CTNNA3: variants seen among roughly 807,000 people sequenced by gnomAD.
CTNNA3 encodes the protein catenin alpha-3.
In CTNNA3, 76 loss-of-function variants were observed where a neutral mutation model predicts 95.7. That is an observed-to-expected ratio of 0.79 (90% CI 0.66 to 0.96). CTNNA3 has a LOEUF of 0.96. Among genes scored for constraint, CTNNA3 ranks in the 40% least tolerant of loss-of-function variants. The probability of loss-of-function intolerance (pLI) is 0.00; values close to 1 mark genes in which losing one functional copy is unlikely to be tolerated. For missense variants in CTNNA3, 1,191 were observed against 1,089.8 expected (o/e 1.09, Z -1.31); for synonymous variants, 431 against 374.4 (o/e 1.15, Z -1.74).
intron 11 of CTNNA3, among the ~76,000 whole-genome samples, chr10:66,440,084 C>T (rs1029051477): frequency 1.3e-5 from 2 of 152,108 alleles, no homozygotes; most frequent in African/African-American, 4.8e-5. Flanking sequence ...TATGTTATTG[C>T]CAGCTTGGGC....
chr10:67,468,573 C>T (rs565550279), intron 5 of CTNNA3, among the ~76,000 whole-genome samples: 7 of 152,208 alleles, frequency 4.6e-5, no homozygotes, highest in Admixed American at 3.9e-4. Flanking sequence ...CTCAGGCCCC[C>T]TCACATCTGT....
chr10:66,007,337 A>G (rs780634079), intron 15 of CTNNA3, among the ~76,000 whole-genome samples: 1 of 152,144 alleles, frequency 6.6e-6, no homozygotes, highest in African/African-American at 2.4e-5. Context: ...ATTTGATCAC[A>G]CAGGTATTAA....
At chr10:66,505,805 G>T (rs1840429011) in intron 11 of CTNNA3, among the ~76,000 whole-genome samples, 1 of 152,178 alleles carries the variant, frequency 6.6e-6, no homozygotes, top group Non-Finnish European at 1.5e-5. Context: ...ACTTCTACAA[G>T]AAGTTGGCGT....
intron 3 of CTNNA3, among the ~76,000 whole-genome samples, chr10:67,569,778 G>A (rs2133286086): frequency 6.6e-6 from 1 of 152,224 alleles, no homozygotes; most frequent in South Asian, 2.1e-4. Context: ...TTCTGTCCTT[G>A]ACTGTTTCTT....
chr10:66,086,596 GA>G (rs1305509391), intron 14 of CTNNA3, among the ~76,000 whole-genome samples: 1 of 151,850 alleles, frequency 6.6e-6, no homozygotes. Context: ...TAAAAAGGAA[GA>G]AAAAATTACC....
intron 11 of CTNNA3, among the ~76,000 whole-genome samples, chr10:66,440,343 T>C (rs2093366764): frequency 6.6e-6 from 1 of 152,190 alleles, no homozygotes; most frequent in Non-Finnish European, 1.5e-5. Flanking sequence ...TTTGCCTATT[T>C]TTCTAGTGAA....
chr10:66,687,292 C>T (rs772407811), intron 9 of CTNNA3, among the ~76,000 whole-genome samples: 32 of 151,948 alleles, frequency 2.1e-4, no homozygotes, highest in Non-Finnish European at 4.1e-4. Flanking sequence ...ATATGTTGTC[C>T]TTCACCAAGA....
At chr10:66,531,615 C>T (rs1841468891) in intron 10 of CTNNA3, among the ~76,000 whole-genome samples, 1 of 152,040 alleles carries the variant, frequency 6.6e-6, no homozygotes, top group Non-Finnish European at 1.5e-5. Flanking sequence ...ATACTATACA[C>T]AAATATATAT....
chr10:67,366,532 T>G (rs1481718724), intron 5 of CTNNA3, among the ~76,000 whole-genome samples: 1 of 151,986 alleles, frequency 6.6e-6, no homozygotes, highest in Admixed American at 6.6e-5. Flanking sequence ...TCCCAGCTAC[T>G]TGGGAGGGTG....
chr10:67,616,869 A>G (rs979555948), intron 2 of CTNNA3, among the ~76,000 whole-genome samples: 4 of 152,236 alleles, frequency 2.6e-5, no homozygotes, highest in African/African-American at 7.2e-5. Context: ...CCAAAATTGC[A>G]AAGACGTTTG....
At chr10:67,223,388 T>C (rs1203718587) in intron 5 of CTNNA3, among the ~76,000 whole-genome samples, 2 of 152,232 alleles carry the variant, frequency 1.3e-5, no homozygotes, top group Non-Finnish European at 2.9e-5. Flanking sequence ...AAAGTCAAAA[T>C]AGGCATTAAA....
intron 17 of CTNNA3, among the ~76,000 whole-genome samples, chr10:65,922,874 G>A (rs2924308): frequency 0.15 from 22,962 of 152,070 alleles, 2,153 homozygotes; most frequent in South Asian, 0.23. Context: ...GGAGGCCTCA[G>A]GAAACTTACA....
At chr10:66,322,228 T>C (rs987014556) in intron 12 of CTNNA3, among the ~76,000 whole-genome samples, 1 of 152,130 alleles carries the variant, frequency 6.6e-6, no homozygotes, top group Non-Finnish European at 1.5e-5. Context: ...TGGTAGCAGA[T>C]CAGCCTGCCA....
chr10:66,695,117 A>G (rs1847708537), intron 9 of CTNNA3, among the ~76,000 whole-genome samples: 1 of 152,200 alleles, frequency 6.6e-6, no homozygotes. Context: ...AATGTCATTG[A>G]AATAATGCCA....
At chr10:66,330,528 C>A (rs1324240436) in intron 12 of CTNNA3, among the ~76,000 whole-genome samples, 1 of 152,062 alleles carries the variant, frequency 6.6e-6, no homozygotes, top group East Asian at 1.9e-4. Context: ...CCACAGTAAA[C>A]ATACGTGTGC....
intron 13 of CTNNA3, among the ~76,000 whole-genome samples, chr10:66,109,464 T>G (rs984675050): frequency 6.6e-6 from 1 of 152,156 alleles, no homozygotes; most frequent in Non-Finnish European, 1.5e-5. Context: ...TGAGATATAA[T>G]TAAATATGTT....
chr10:66,536,157 G>GAC (rs1362379883), intron 10 of CTNNA3, among the ~76,000 whole-genome samples: 7 of 151,282 alleles, frequency 4.6e-5, no homozygotes, highest in South Asian at 2.1e-4. Flanking sequence ...GAGAGAGAGA[G>GAC]AGAGACAGAG....
intron 15 of CTNNA3, among the ~76,000 whole-genome samples, chr10:66,032,203 AT>A (rs1056759843): frequency 2.8e-4 from 42 of 152,190 alleles, no homozygotes; most frequent in African/African-American, 8.9e-4. Flanking sequence ...TATTTCTTTG[AT>A]TTTTTTAAAA....
At position 67,177,422 on chromosome 10, in the gene CTNNA3, G is replaced by T. The variant is rs541848049; in HGVS notation, c.1047+2895C>A. ...ATTTGCAAAATTTAAGCCAATCTCT[G>T]AAGTCCCCTTCACCTAAAAGACTCA... On this transcript the variant is annotated intron_variant, in intron 7 of 17. Coordinates refer to ENST00000433211, the MANE Select transcript of CTNNA3 (RefSeq NM_013266.4). Among the ~76,000 whole-genome samples the T allele has an allele frequency of 2.6e-4, 39 of 152,304 alleles. No individual in the cohort carries two copies. In the South Asian group the frequency reaches 8.1e-3, roughly 32 times the overall value.
Sources: allele counts gnomAD v4.1 joint callset (sites outside exome capture counted in the v4.1 genomes callset), GRCh38; gene constraint gnomAD v4.1.1; transcripts MANE v1.5; gene names NCBI Gene and HGNC (gene_info 2026-07-23, HGNC 2026-07-21).